Variants in PDE4B observed in about 807,000 individuals in gnomAD.
PDE4B encodes 3',5'-cyclic-AMP phosphodiesterase 4B.
PDE4B carries 20 observed loss-of-function variants against 82.2 expected under a neutral mutation model. The ratio of observed to expected loss-of-function variants is 0.24; its 90% CI spans 0.17 to 0.35. The LOEUF (loss-of-function observed/expected upper bound fraction) is 0.35, where lower values mean the gene tolerates loss of function less well. Among genes scored for constraint, PDE4B ranks in the 10% least tolerant of loss-of-function variants. The pLI is 1.00. For missense variants in PDE4B, 655 were observed against 907.2 expected (o/e 0.72, Z 3.57); for synonymous variants, 320 against 318.9 (o/e 1.00, Z -0.04).
intron 3 of PDE4B, among the ~76,000 whole-genome samples, chr1:65,950,993 C>T (rs1300666857): frequency 1.3e-5 from 2 of 152,072 alleles, no homozygotes; most frequent in Non-Finnish European, 2.9e-5. Flanking sequence ...TTGTGTTTAT[C>T]TTTCCTCCTT....
chr1:66,143,875 G>A (rs1646220680), intron 3 of PDE4B, among the ~76,000 whole-genome samples: 1 of 152,136 alleles, frequency 6.6e-6, no homozygotes, highest in African/African-American at 2.4e-5. Flanking sequence ...CAGATGTCTT[G>A]TGGGCAGATG....
intron 3 of PDE4B, among the ~76,000 whole-genome samples, chr1:66,090,813 C>T (rs1645007689): frequency 6.6e-6 from 1 of 151,174 alleles, no homozygotes; most frequent in Non-Finnish European, 1.5e-5. Context: ...TAAAAAACAT[C>T]TTAACATTTT....
rs151069564 is a variant in PDE4B at position 66,227,524 on chromosome 1, T to C, written c.282-19936T>C. On this transcript the variant is annotated intron_variant, in intron 3 of 16. Transcript: ENST00000341517. ...TACAATATATATTAGGGATTATTTA[T>C]TGAACATCTACTCTGAGATATGCCT... Among the ~76,000 whole-genome samples the C allele has an allele frequency of 7.2e-5, 11 of 152,352 alleles. No individual in the cohort carries two copies. In the East Asian group the frequency reaches 2.1e-3, roughly 29 times the overall value.
intron 1 of PDE4B, among the ~76,000 whole-genome samples, chr1:65,832,303 T>C (rs1017124629): frequency 2.0e-5 from 3 of 152,202 alleles, no homozygotes; most frequent in Non-Finnish European, 4.4e-5. Flanking sequence ...CTGCTGTCTG[T>C]AAACTTGAAT....
chr1:66,174,712 C>T (rs528657361), intron 3 of PDE4B, among the ~76,000 whole-genome samples: 7 of 151,884 alleles, frequency 4.6e-5, no homozygotes, highest in African/African-American at 1.7e-4. Context: ...GCCGAGATTG[C>T]ACTCCAGCCT....
intron 3 of PDE4B, among the ~76,000 whole-genome samples, chr1:66,212,664 A>G (rs891888995): frequency 8.5e-5 from 13 of 152,086 alleles, no homozygotes; most frequent in African/African-American, 2.7e-4. Context: ...TTTTGTGCCC[A>G]CAAGCACCTA....
At chr1:65,970,596 T>C (rs557217615) in intron 3 of PDE4B, among the ~76,000 whole-genome samples, 105 of 152,244 alleles carry the variant, frequency 6.9e-4, no homozygotes, top group African/African-American at 2.1e-3. Flanking sequence ...GAAATAGATA[T>C]GCCAATATAC....
intron 3 of PDE4B, among the ~76,000 whole-genome samples, chr1:66,071,273 A>G (rs1280625585): frequency 2.6e-5 from 4 of 152,078 alleles, no homozygotes; most frequent in Admixed American, 2.6e-4. Flanking sequence ...TCCACTTACT[A>G]TATAAACATG....
chr1:65,974,289 G>C (rs1337151636), intron 3 of PDE4B, among the ~76,000 whole-genome samples: 1 of 152,052 alleles, frequency 6.6e-6, no homozygotes, highest in African/African-American at 2.4e-5. Context: ...ACAATAAATA[G>C]ACTATTTGTA....
In PDE4B at chr1:66,070,239, T is replaced by G. The variant is rs975232219; in HGVS notation, c.281+151404T>G. On this transcript the variant is annotated intron_variant, in intron 3 of 16. Transcript: ENST00000341517. ...TGAGCTAGATTGATTAATGTGTCTATATGCATTTTTTTTTCCTCAGGAGAA... is the reference window on the plus strand; with the variant it reads ...TGAGCTAGATTGATTAATGTGTCTAGATGCATTTTTTTTTCCTCAGGAGAA... Among the ~76,000 whole-genome samples, 5 of 151,822 alleles carry G rather than the reference T, an allele frequency of 3.3e-5. No individual in the cohort carries two copies. The East Asian group carries it at 7.7e-4, about 24-fold the overall frequency.
chr1:66,317,872 G>C (rs1461379987), intron 7 of PDE4B, among the ~76,000 whole-genome samples: 1 of 152,108 alleles, frequency 6.6e-6, no homozygotes, highest in Non-Finnish European at 1.5e-5. Context: ...GCTCCAGCCT[G>C]GGTGACAGAG....
chr1:66,140,418 C>T (rs1646148718), intron 3 of PDE4B, among the ~76,000 whole-genome samples: 1 of 152,112 alleles, frequency 6.6e-6, no homozygotes, highest in Non-Finnish European at 1.5e-5. Context: ...CACATCATTA[C>T]ATAAGCAGCA....
intron 3 of PDE4B, among the ~76,000 whole-genome samples, chr1:66,137,252 T>C (rs1182122537): frequency 6.6e-6 from 1 of 152,124 alleles, no homozygotes; most frequent in African/African-American, 2.4e-5. Flanking sequence ...TTTTGGGCAC[T>C]TTTGATGTCT....
chr1:66,064,902 C>T (rs1487945216), intron 3 of PDE4B, among the ~76,000 whole-genome samples: 5 of 151,822 alleles, frequency 3.3e-5, no homozygotes, highest in African/African-American at 9.7e-5. Context: ...AGTCTTTTCC[C>T]CTAAACTATA....
At chr1:65,866,737 A>G (rs1646516213) in intron 1 of PDE4B, among the ~76,000 whole-genome samples, 1 of 152,256 alleles carries the variant, frequency 6.6e-6, no homozygotes, top group Non-Finnish European at 1.5e-5. Context: ...AGCATATTCC[A>G]GTCAATGGGA....
intron 3 of PDE4B, among the ~76,000 whole-genome samples, chr1:66,044,163 A>G (rs981059098): frequency 6.6e-6 from 1 of 151,716 alleles, no homozygotes; most frequent in Admixed American, 6.6e-5. Context: ...TTTCTAAAGG[A>G]CTGAAAAGGG....
At chr1:66,282,036 A>T (rs1656336311) in intron 7 of PDE4B, among the ~76,000 whole-genome samples, 1 of 152,218 alleles carries the variant, frequency 6.6e-6, no homozygotes, top group Non-Finnish European at 1.5e-5. Context: ...GTAAAGGTGC[A>T]TGTGATGCCC....
At chr1:66,050,945 A>C (rs951140844) in intron 3 of PDE4B, among the ~76,000 whole-genome samples, 3 of 152,186 alleles carry the variant, frequency 2.0e-5, no homozygotes, top group Non-Finnish European at 4.4e-5. Flanking sequence ...GACTGAATTA[A>C]GAAAAGAACA....
At chr1:66,155,914 G>C (rs1646494072) in intron 3 of PDE4B, among the ~76,000 whole-genome samples, 1 of 151,966 alleles carries the variant, frequency 6.6e-6, no homozygotes, top group Non-Finnish European at 1.5e-5. Flanking sequence ...TTTTATTTCT[G>C]ACCCCTGCCT....
Sources: gnomAD v4.1 joint callset for allele counts (sites outside exome capture counted in the v4.1 genomes callset) on GRCh38, gnomAD v4.1.1 for gene constraint, MANE v1.5 for transcripts, NCBI Gene and HGNC (gene_info 2026-07-23, HGNC 2026-07-21) for gene names.